The following C11orf87 variants were observed in gnomAD, a reference collection of about 807,000 sequenced individuals.
C11orf87 encodes the protein chromosome 11 open reading frame 87.
A neutral mutation model predicts 9.2 loss-of-function variants in C11orf87; 3 were observed. The ratio of observed to expected loss-of-function variants is 0.33; its 90% CI spans 0.15 to 0.84. The LOEUF is 0.84. Among genes scored for constraint, C11orf87 ranks in the 40% least tolerant of loss-of-function variants. The pLI is 0.55. For synonymous variants in C11orf87, 124 were observed against 124.6 expected (o/e 1.00, Z 0.03); for missense variants, 256 against 270.7 (o/e 0.95, Z 0.38).
Position 109,424,070 on chromosome 11 carries a change from C to T in C11orf87, c.437C>T (p.Ala146Val). The T allele has an allele frequency of 2.5e-6, 4 of 1,613,994 alleles. No homozygotes were observed. Among genetic ancestry groups the T allele is most frequent in the Non-Finnish European group, 3.4e-6 (4 of 1,180,018 alleles). The change falls in exon 2 of 2, where the codon GCC becomes GTC. Residue 146 changes from alanine to valine, a missense_variant. Ala to Val is a moderately conservative substitution (Grantham distance 64, BLOSUM62 0). Transcript: ENST00000327419. This position sits in a 1 kb window ranked among gnomAD's most constrained non-coding sequence, Gnocchi z 4.7. ...TCTCCCTTCTGCGCCCCTTCCAACG[C>T]CTCGTCGTTGTCCTCTTCGTCCCCT... ...RDSPFCAPSN[A>V]SSLSSSSPGL...
chr11:109,423,767 C>T lies in C11orf87; in HGVS notation c.134C>T (p.Thr45Ile). Residue 45 changes from threonine to isoleucine, a missense_variant, in exon 2 of 2, where the codon ACC becomes ATC. Coordinates refer to ENST00000327419, the MANE Select transcript of C11orf87 (RefSeq NM_207645.4). The surrounding 1 kb of genome is among the most constrained non-coding windows in gnomAD (Gnocchi z 5.3). The part of the protein sequence containing the change: ...ARGPGAVGSG[T>I]CITQVGQQLF... Reference sequence around the variant, plus strand: ...GGCCCAGGCGCAGTAGGCAGCGGCACCTGCATCACGCAGGTGGGACAGCAG... The same window carrying T: ...GGCCCAGGCGCAGTAGGCAGCGGCATCTGCATCACGCAGGTGGGACAGCAG... 1.9e-6 allele frequency: 3 copies of T among 1,614,080 alleles called. No individual in the cohort carries two copies. The highest frequency in any genetic ancestry group is 2.2e-5 in the East Asian group (1 of 44,866).
Position 109,427,024 on chromosome 11 carries a change from G to T in C11orf87, c.*2797G>T, listed in dbSNP as rs1860581343. The T allele has an allele frequency of 6.6e-6, 1 of 152,190 alleles. No individual in the cohort carries two copies. The highest frequency in any genetic ancestry group is 6.5e-5 in the Admixed American group (1 of 15,282). 9.4% of individuals were successfully genotyped at this position (152,190 alleles called of 1,614,324 possible). A position where few individuals can be genotyped will look rare whatever the true frequency, so the allele number is the denominator to read the frequency against. On this transcript the variant is annotated 3_prime_UTR_variant, in exon 2 of 2. Coordinates refer to ENST00000327419, the MANE Select transcript of C11orf87 (RefSeq NM_207645.4). Reference sequence around the variant, plus strand: ...ATGAATCATAGTATATTCAAGGCATGCAATAATAATCCCCTTCCAAGGAGC... The same window carrying T: ...ATGAATCATAGTATATTCAAGGCATTCAATAATAATCCCCTTCCAAGGAGC...
rs200179923 is a variant in C11orf87 at position 109,424,052 on chromosome 11, T to G, written c.419T>G (p.Phe140Cys). Reference sequence around the variant, plus strand: ...GAGAGGCAGCCCCGGGACTCTCCCTTCTGCGCCCCTTCCAACGCCTCGTCG... The same window carrying G: ...GAGAGGCAGCCCCGGGACTCTCCCTGCTGCGCCCCTTCCAACGCCTCGTCG... Reference protein sequence around the residue: ...RLERQPRDSPFCAPSNASSLS... With the variant: ...RLERQPRDSPCCAPSNASSLS... The change falls in exon 2 of 2, where the codon TTC becomes TGC. Residue 140 changes from phenylalanine (F) to cysteine (C), a missense_variant. Physicochemically the swap from Phe to Cys is radical, Grantham distance 205 (BLOSUM62 -2). Transcript: ENST00000327419. The surrounding 1 kb of genome is among the most constrained non-coding windows in gnomAD (Gnocchi z 4.7). The G allele has an allele frequency of 1.9e-5, 31 of 1,613,964 alleles. No individual in the cohort carries two copies. The East Asian group carries it at 4.2e-4, about 22-fold the overall frequency.
chr11:109,423,683 T>C lies in C11orf87; in HGVS notation c.50T>C (p.Leu17Pro), dbSNP rs1249558803. The C allele has an allele frequency of 6.2e-7, 1 of 1,610,492 alleles. No individual in the cohort carries two copies. The highest frequency in any genetic ancestry group is 1.3e-5 in the African/African-American group (1 of 74,884). Residue 17 changes from leucine to proline, a missense_variant, in exon 2 of 2, where the codon CTC (leucine) becomes CCC (proline). Physicochemically the swap from Leu to Pro is moderately conservative, Grantham distance 98. Coordinates refer to ENST00000327419, the MANE Select transcript of C11orf87 (RefSeq NM_207645.4). The surrounding 1 kb of genome is among the most constrained non-coding windows in gnomAD (Gnocchi z 5.3). ...CTGAGGCTGGCGTTGCCGCCGTGTC[T>C]CCTCAACCGGACCTTTGCTTCCCCC... Reference protein sequence around the residue: ...KELRLALPPCLLNRTFASPNA... With the variant: ...KELRLALPPCPLNRTFASPNA...
rs1487228161 is a variant in C11orf87 at position 109,423,168 on chromosome 11, C to T, written c.-259-207C>T. Among the ~76,000 whole-genome samples, 2 of 152,186 alleles carry T rather than the reference C, an allele frequency of 1.3e-5. No homozygotes were observed. Among genetic ancestry groups the T allele is most frequent in the Non-Finnish European group, 2.9e-5 (2 of 68,030 alleles). On this transcript the variant is annotated intron_variant, in intron 1 of 1. Transcript: ENST00000327419. This position sits in a 1 kb window ranked among gnomAD's most constrained non-coding sequence, Gnocchi z 5.3. ...ACCTCCGCGGTGCCGGCGCAGACCC[C>T]ATCCTGTCGAGTGGCATGAGCAGGC...
At position 109,423,690 on chromosome 11, in the gene C11orf87, C is replaced by T; in HGVS notation, c.57C>T (p.Asn19=). The T allele has an allele frequency of 6.2e-7, 1 of 1,611,766 alleles. No homozygotes were observed. Among genetic ancestry groups the T allele is most frequent in the East Asian group, 2.2e-5 (1 of 44,852 alleles). The change falls in exon 2 of 2, where the codon AAC becomes AAT. Residue 19 remains asparagine, a synonymous_variant. Coordinates refer to ENST00000327419, the MANE Select transcript of C11orf87 (RefSeq NM_207645.4). This position sits in a 1 kb window ranked among gnomAD's most constrained non-coding sequence, Gnocchi z 5.3. ...LRLALPPCLL[N]RTFASPNASG... is the part of the protein sequence containing the mutation. Reference sequence around the variant, plus strand: ...TGGCGTTGCCGCCGTGTCTCCTCAACCGGACCTTTGCTTCCCCCAACGCCA... The same window carrying T: ...TGGCGTTGCCGCCGTGTCTCCTCAATCGGACCTTTGCTTCCCCCAACGCCA...
In C11orf87 at chr11:109,427,631, C is replaced by A. The variant is rs1860590488; in HGVS notation, c.*3404C>A. 6.6e-6 allele frequency: 1 copy of A among 152,090 alleles called. No individual in the cohort carries two copies. The highest frequency in any genetic ancestry group is 1.5e-5 in the Non-Finnish European group (1 of 67,976). The allele number at this position is 152,090 out of a possible 1,614,324, so 9.4% of individuals were successfully genotyped here. The stretch of plus-strand genomic sequence containing the variant: ...GTCCCGTCAAACTAAATGCTTCAAA[C>A]CCCTATAGCTACAGCTTAACTTCTG... On this transcript the variant is annotated 3_prime_UTR_variant, in exon 2 of 2. Transcript: ENST00000327419.
chr11:109,424,194 C>A lies in C11orf87; in HGVS notation c.561C>A (p.Gly187=), dbSNP rs754666492. 1.2e-5 allele frequency: 20 copies of A among 1,614,146 alleles called. No homozygotes were observed. The Admixed American group carries it at 2.3e-4, about 19-fold the overall frequency. The change falls in exon 2 of 2, where the codon GGC becomes GGA. Residue 187 remains glycine, a synonymous_variant. Coordinates refer to ENST00000327419, the MANE Select transcript of C11orf87 (RefSeq NM_207645.4). The surrounding 1 kb of genome is among the most constrained non-coding windows in gnomAD (Gnocchi z 4.7). ...HAASSCLDTA[G]EGLLQTVVLS Reference sequence around the variant, plus strand: ...CTTCCTCCTGTTTGGACACAGCTGGCGAGGGCCTTTTGCAAACGGTGGTAC... The same window carrying A: ...CTTCCTCCTGTTTGGACACAGCTGGAGAGGGCCTTTTGCAAACGGTGGTAC...
Position 109,423,429 on chromosome 11 carries a change from G to A in C11orf87, c.-205G>A, listed in dbSNP as rs1221113002. On this transcript the variant is annotated 5_prime_UTR_variant, in exon 2 of 2. Coordinates refer to ENST00000327419, the MANE Select transcript of C11orf87 (RefSeq NM_207645.4). The surrounding 1 kb of genome is among the most constrained non-coding windows in gnomAD (Gnocchi z 5.3). Reference sequence around the variant, plus strand: ...GTGGAGACGTGTTCGAGGTGGTATCGGCGAGGATCTCTCGGGCGCCGCTCA... The same window carrying A: ...GTGGAGACGTGTTCGAGGTGGTATCAGCGAGGATCTCTCGGGCGCCGCTCA... 1.7e-6 allele frequency: 1 copy of A among 586,728 alleles called. No individual in the cohort carries two copies. Among genetic ancestry groups the A allele is most frequent in the South Asian group, 2.2e-5 (1 of 45,530 alleles). 36.3% of individuals were successfully genotyped at this position (586,728 alleles called of 1,614,324 possible).
chr11:109,429,020 A>G lies in C11orf87; in HGVS notation c.*4793A>G, dbSNP rs1860607841. 6.6e-6 allele frequency: 1 copy of G among 152,210 alleles called. No individual in the cohort carries two copies. The highest frequency in any genetic ancestry group is 1.5e-5 in the Non-Finnish European group (1 of 68,030). 9.4% of individuals were successfully genotyped at this position (152,210 alleles called of 1,614,324 possible). A position where few individuals can be genotyped will look rare whatever the true frequency, so the allele number is the denominator to read the frequency against. On this transcript the variant is annotated 3_prime_UTR_variant, in exon 2 of 2. Transcript: ENST00000327419. ...ATGACAACAGAAAAACTGACTTTTG[A>G]ACTTGAGTATATCCAATAGATAGAA...
At position 109,427,107 on chromosome 11, in the gene C11orf87, G is replaced by A. The variant is rs1051328076; in HGVS notation, c.*2880G>A. On this transcript the variant is annotated 3_prime_UTR_variant, in exon 2 of 2. Coordinates refer to ENST00000327419, the MANE Select transcript of C11orf87 (RefSeq NM_207645.4). ...TTGTCCTACATCATTTCTCCCCAAA[G>A]GAATGCAAGGAGCAAGAGAAATAAA... 6.6e-6 allele frequency: 1 copy of A among 152,078 alleles called. No homozygotes were observed. Among genetic ancestry groups the A allele is most frequent in the African/African-American group, 2.4e-5 (1 of 41,410 alleles). The allele number at this position is 152,078 out of a possible 1,614,324, so 9.4% of individuals were successfully genotyped here.
In C11orf87 at chr11:109,428,849, T is replaced by C. The variant is rs946301025; in HGVS notation, c.*4622T>C. On this transcript the variant is annotated 3_prime_UTR_variant, in exon 2 of 2. Coordinates refer to ENST00000327419, the MANE Select transcript of C11orf87 (RefSeq NM_207645.4). ...TTGGTGTCATGTATGAATGCTTAGC[T>C]GACAATAAGAATTTAATCAACTTTA... is the stretch of plus-strand genomic sequence containing the variant. 1 of 152,202 alleles carries C rather than the reference T, an allele frequency of 6.6e-6. No individual in the cohort carries two copies. Among genetic ancestry groups the C allele is most frequent in the Non-Finnish European group, 1.5e-5 (1 of 68,018 alleles). 9.4% of individuals were successfully genotyped at this position (152,202 alleles called of 1,614,324 possible). A position where few individuals can be genotyped will look rare whatever the true frequency, so the allele number is the denominator to read the frequency against.
chr11:109,424,011 A>G lies in C11orf87; in HGVS notation c.378A>G (p.Ala126=). 6.2e-7 allele frequency: 1 copy of G among 1,614,000 alleles called. No individual in the cohort carries two copies. Among genetic ancestry groups the G allele is most frequent in the Admixed American group, 1.7e-5 (1 of 60,024 alleles). The part of the protein sequence containing the change: ...PRPGRQAPTH[A]KETRLERQPR... ...CTGGCAGGCAGGCCCCAACCCACGCAAAGGAAACCCGGCTGGAGAGGCAGC... is the reference window on the plus strand; with the variant it reads ...CTGGCAGGCAGGCCCCAACCCACGCGAAGGAAACCCGGCTGGAGAGGCAGC... Residue 126 remains alanine (A), a synonymous_variant, in exon 2 of 2, where the codon GCA becomes GCG. Coordinates refer to ENST00000327419, the MANE Select transcript of C11orf87 (RefSeq NM_207645.4). This position sits in a 1 kb window ranked among gnomAD's most constrained non-coding sequence, Gnocchi z 4.7.
In C11orf87 at chr11:109,423,573, T is replaced by C. The variant is rs1299235036; in HGVS notation, c.-61T>C. Reference sequence around the variant, plus strand: ...TGGGCTCCGTCCTCTTCTTGGCTGGTAGGAACGGTGTGCCCAAGAGGGGAA... The same window carrying C: ...TGGGCTCCGTCCTCTTCTTGGCTGGCAGGAACGGTGTGCCCAAGAGGGGAA... On this transcript the variant is annotated 5_prime_UTR_variant, in exon 2 of 2. Transcript: ENST00000327419. The surrounding 1 kb of genome is among the most constrained non-coding windows in gnomAD (Gnocchi z 5.3). The C allele has an allele frequency of 2.3e-5, 34 of 1,476,678 alleles. No homozygotes were observed. The highest frequency in any genetic ancestry group is 2.9e-5 in the Non-Finnish European group (32 of 1,111,472). The allele number at this position is 1,476,678 out of a possible 1,614,324, so 91.5% of individuals were successfully genotyped here.
Position 109,427,210 on chromosome 11 carries a change from G to A in C11orf87, c.*2983G>A, listed in dbSNP as rs963179811. ...CACATCTGTAATACACTTTTATTGTGCAACTTTAAATGTGTGTGCCTTTCT... is the reference window on the plus strand; with the variant it reads ...CACATCTGTAATACACTTTTATTGTACAACTTTAAATGTGTGTGCCTTTCT... On this transcript the variant is annotated 3_prime_UTR_variant, in exon 2 of 2. Coordinates refer to ENST00000327419, the MANE Select transcript of C11orf87 (RefSeq NM_207645.4). 4.6e-5 allele frequency: 7 copies of A among 152,136 alleles called. No homozygotes were observed. Among genetic ancestry groups the A allele is most frequent in the African/African-American group, 1.4e-4 (6 of 41,448 alleles). The allele number at this position is 152,136 out of a possible 1,614,324, so 9.4% of individuals were successfully genotyped here. A position where few individuals can be genotyped will look rare whatever the true frequency, so the allele number is the denominator to read the frequency against.
rs987688662 is a variant in C11orf87, at chr11:109,423,141, G to C, written c.-259-234G>C. Reference sequence around the variant, plus strand: ...GGCTGCCTTATCTGCTGAGTAATCTGCACCTCCGCGGTGCCGGCGCAGACC... The same window carrying C: ...GGCTGCCTTATCTGCTGAGTAATCTCCACCTCCGCGGTGCCGGCGCAGACC... On this transcript the variant is annotated intron_variant, in intron 1 of 1. Coordinates refer to ENST00000327419, the MANE Select transcript of C11orf87 (RefSeq NM_207645.4). The surrounding 1 kb of genome is among the most constrained non-coding windows in gnomAD (Gnocchi z 5.3). Among the ~76,000 whole-genome samples the C allele has an allele frequency of 6.6e-6, 1 of 152,222 alleles. No individual in the cohort carries two copies. Among genetic ancestry groups the C allele is most frequent in the African/African-American group, 2.4e-5 (1 of 41,466 alleles).
chr11:109,422,235 T>C lies in C11orf87; in HGVS notation c.-288T>C. The C allele has an allele frequency of 5.0e-6, 1 of 199,164 alleles. No individual in the cohort carries two copies. Among genetic ancestry groups the C allele is most frequent in the Non-Finnish European group, 1.0e-5 (1 of 98,060 alleles). The allele number at this position is 199,164 out of a possible 1,614,324, so 12.3% of individuals were successfully genotyped here. A position where few individuals can be genotyped will look rare whatever the true frequency, so the allele number is the denominator to read the frequency against. On this transcript the variant is annotated 5_prime_UTR_variant, in exon 1 of 2. Transcript: ENST00000327419. ...GCCACTGCAGCCGCGCGGCGGGGGC[T>C]CCCTCCTTGCAGCCAGCCGGCGGTC...
chr11:109,423,339 C>A lies in C11orf87; in HGVS notation c.-259-36C>A, dbSNP rs113983255. On this transcript the variant is annotated intron_variant, in intron 1 of 1. Coordinates refer to ENST00000327419, the MANE Select transcript of C11orf87 (RefSeq NM_207645.4). The surrounding 1 kb of genome is among the most constrained non-coding windows in gnomAD (Gnocchi z 5.3). Reference sequence around the variant, plus strand: ...TTCCCGACAGCACTCCCCTGGGCAGCGGCCGAGATTCTAACTAAGCTTTGT... The same window carrying A: ...TTCCCGACAGCACTCCCCTGGGCAGAGGCCGAGATTCTAACTAAGCTTTGT... 6.2e-4 allele frequency: 302 copies of A among 487,968 alleles called. 2 individuals are homozygous for A. The highest frequency in any genetic ancestry group is 5.2e-3 in the African/African-American group (262 of 50,194). 30.2% of individuals were successfully genotyped at this position (487,968 alleles called of 1,614,324 possible).
At chr11:109,422,661 G>A (rs1298138983) in intron 1 of C11orf87, among the ~76,000 whole-genome samples, 2 of 151,778 alleles carry the variant, frequency 1.3e-5, no homozygotes, top group African/African-American at 2.4e-5. Flanking sequence ...GGGGGCACAG[G>A]GAAATGGGGA....
Sources: gnomAD v4.1 joint callset for allele counts (sites outside exome capture counted in the v4.1 genomes callset) on GRCh38, gnomAD v4.1.1 for gene constraint, Gnocchi (gnomAD v3.1) non-coding constraint, MANE v1.5 for transcripts, NCBI Gene and HGNC (gene_info 2026-07-23, HGNC 2026-07-21) for gene names.